Variants in ADK observed in about 807,000 individuals in gnomAD.
ADK encodes the protein adenosine kinase.
Under a neutral mutation model 44.7 loss-of-function variants are expected in ADK, and 24 were observed. The ratio of observed to expected loss-of-function variants is 0.54; its 90% CI spans 0.39 to 0.76. The LOEUF (loss-of-function observed/expected upper bound fraction) is 0.76, where lower values mean the gene tolerates loss of function less well. ADK is among the 30% of genes least tolerant of loss of function. The pLI, the probability that ADK is intolerant of heterozygous loss-of-function variation, is 0.00. For missense variants in ADK, 321 were observed against 425.1 expected (o/e 0.76, Z 2.15); for synonymous variants, 128 against 142.6 (o/e 0.90, Z 0.73).
intron 1 of ADK, among the ~76,000 whole-genome samples, chr10:74,190,981 CTTTTTT>C (rs61491732): frequency 7.4e-6 from 1 of 134,964 alleles, no homozygotes; most frequent in Non-Finnish European, 1.6e-5. Context: ...CTATTTTTGA[CTTTTTT>C]TTTTTTTTTT....
chr10:74,373,238 A>G (rs1037746518), intron 4 of ADK, among the ~76,000 whole-genome samples: 1 of 152,146 alleles, frequency 6.6e-6, no homozygotes, highest in Non-Finnish European at 1.5e-5. Flanking sequence ...ATACATGTTT[A>G]TGACTGGGCA....
intron 7 of ADK, among the ~76,000 whole-genome samples, chr10:74,575,092 GA>G (rs935337544): frequency 2.2e-4 from 34 of 152,210 alleles, no homozygotes; most frequent in African/African-American, 7.9e-4. Context: ...AATTAAGTAT[GA>G]ACCACAAAAA....
chr10:74,577,836 A>G (rs1467988946), intron 7 of ADK, among the ~76,000 whole-genome samples: 2 of 152,192 alleles, frequency 1.3e-5, no homozygotes, highest in African/African-American at 4.8e-5. Context: ...TTTAAAGTTC[A>G]TATTCATCTA....
intron 3 of ADK, among the ~76,000 whole-genome samples, chr10:74,288,461 C>G (rs1469665947): frequency 6.6e-6 from 1 of 152,006 alleles, no homozygotes; most frequent in Non-Finnish European, 1.5e-5. Context: ...ACCAGCCTGG[C>G]CAACATAGCG....
intron 1 of ADK, among the ~76,000 whole-genome samples, chr10:74,165,322 C>T (rs4745739): frequency 0.057 from 8,683 of 151,934 alleles, 879 homozygotes; most frequent in African/African-American, 0.2. Context: ...GGTATTAAAG[C>T]CCAGAGAGGC....
intron 6 of ADK, among the ~76,000 whole-genome samples, chr10:74,480,830 A>C (rs1441235820): frequency 6.6e-6 from 1 of 152,136 alleles, no homozygotes; most frequent in Non-Finnish European, 1.5e-5. Context: ...ACATCTTTTA[A>C]ATGTGTAGAT....
At chr10:74,473,031 C>T (rs1846664586) in intron 6 of ADK, among the ~76,000 whole-genome samples, 1 of 151,840 alleles carries the variant, frequency 6.6e-6, no homozygotes, top group Admixed American at 6.6e-5. Flanking sequence ...ACTCTGCCAC[C>T]CAGGCTGGAA....
intron 2 of ADK, among the ~76,000 whole-genome samples, chr10:74,216,624 C>T (rs1844037570): frequency 6.6e-6 from 1 of 150,856 alleles, no homozygotes; most frequent in South Asian, 2.1e-4. Flanking sequence ...ATTTTGGGGA[C>T]TGAGGCACGA....
At chr10:74,479,313 G>A (rs1327816725) in intron 6 of ADK, among the ~76,000 whole-genome samples, 1 of 151,804 alleles carries the variant, frequency 6.6e-6, no homozygotes, top group Non-Finnish European at 1.5e-5. Flanking sequence ...CTTTATATTA[G>A]GATTGCAGCT....
chr10:74,254,302 AATTT>A (rs1845749084), intron 3 of ADK, among the ~76,000 whole-genome samples: 1 of 152,068 alleles, frequency 6.6e-6, no homozygotes, highest in African/African-American at 2.4e-5. Context: ...GTTTAGTTGT[AATTT>A]ATTTTCTCAT....
intron 9 of ADK, among the ~76,000 whole-genome samples, chr10:74,616,047 G>A (rs961593862): frequency 6.6e-6 from 1 of 152,050 alleles, no homozygotes; most frequent in African/African-American, 2.4e-5. Context: ...TGATTGTATT[G>A]TTGTTGGGTT....
intron 6 of ADK, among the ~76,000 whole-genome samples, chr10:74,483,493 A>G (rs1847148775): frequency 6.6e-6 from 1 of 152,224 alleles, no homozygotes; most frequent in Admixed American, 6.5e-5. Flanking sequence ...ATTTTTACTT[A>G]TGCAAATTTC....
chr10:74,288,914 A>C (rs1564634758), intron 3 of ADK, among the ~76,000 whole-genome samples: 1 of 152,156 alleles, frequency 6.6e-6, no homozygotes, highest in Non-Finnish European at 1.5e-5. Context: ...ATTTTTGGAG[A>C]GTATATGAAA....
intron 10 of ADK, among the ~76,000 whole-genome samples, chr10:74,683,662 A>C (rs1855696100): frequency 6.6e-6 from 1 of 152,260 alleles, no homozygotes; most frequent in Non-Finnish European, 1.5e-5. Context: ...TTCTAGACGC[A>C]CATGGGAATT....
At chr10:74,655,245 G>A in intron 9 of ADK, 1 of 413,356 alleles carries the variant, frequency 2.4e-6, no homozygotes, top group Non-Finnish European at 4.7e-6. Context: ...ACAGGGATGA[G>A]GCCACCCAGA....
chr10:74,353,652 A>G (rs2131914008), intron 4 of ADK, among the ~76,000 whole-genome samples: 1 of 151,900 alleles, frequency 6.6e-6, no homozygotes, highest in African/African-American at 2.4e-5. Flanking sequence ...GTGGATCACA[A>G]GGTCAGGAGA....
intron 7 of ADK, among the ~76,000 whole-genome samples, chr10:74,543,690 A>T (rs1306768568): frequency 6.6e-6 from 1 of 152,200 alleles, no homozygotes; most frequent in Non-Finnish European, 1.5e-5. Context: ...TTGGTTATCA[A>T]TTATTAAGCA....
At chr10:74,280,934 C>T (rs941144679) in intron 3 of ADK, among the ~76,000 whole-genome samples, 1 of 152,094 alleles carries the variant, frequency 6.6e-6, no homozygotes, top group African/African-American at 2.4e-5. Context: ...TAGTGAGATA[C>T]TCAGTTAATC....
chr10:74,656,002 CT>C, intron 9 of ADK: 1 of 650,784 alleles, frequency 1.5e-6, no homozygotes. Flanking sequence ...ACCGCCTGCT[CT>C]TTCCTGCAGG....
Sources: gnomAD v4.1 joint callset for allele counts (sites outside exome capture counted in the v4.1 genomes callset) on GRCh38, gnomAD v4.1.1 for gene constraint, MANE v1.5 for transcripts, NCBI Gene and HGNC (gene_info 2026-07-23, HGNC 2026-07-21) for gene names.